SLC22A15: variants seen among roughly 807,000 people sequenced by gnomAD.
SLC22A15 encodes solute carrier family 22 member 15, also known as flipt 1.
A neutral mutation model predicts 62.7 loss-of-function variants in SLC22A15; 45 were observed. The observed-to-expected ratio is 0.72, with a 90% CI of 0.56 to 0.92. The LOEUF (loss-of-function observed/expected upper bound fraction) is 0.92, where lower values mean the gene tolerates loss of function less well. SLC22A15 is among the 40% of genes least tolerant of loss of function. SLC22A15 has a pLI of 0.00. For synonymous variants in SLC22A15, 264 were observed against 267.0 expected, an observed-to-expected ratio of 0.99 and a Z score of 0.11; for missense variants, 622 against 665.6, an observed-to-expected ratio of 0.93 and a Z score of 0.72.
chr1:116,055,325 T>A (rs1215320421), intron 8 of SLC22A15, among the ~76,000 whole-genome samples: 11 of 152,052 alleles, frequency 7.2e-5, no homozygotes, highest in Non-Finnish European at 1.2e-4. Context: ...TAAATTCCTC[T>A]ACACATACAC....
intron 1 of SLC22A15, among the ~76,000 whole-genome samples, chr1:115,987,715 A>G (rs983113532): frequency 3.3e-5 from 5 of 152,190 alleles, no homozygotes; most frequent in African/African-American, 1.2e-4. Context: ...ACTAAAGGTA[A>G]TGGCAACAAT....
intron 3 of SLC22A15, 93 bp from the exon 4 acceptor site, chr1:116,020,628 A>C: frequency 1.6e-5 from 17 of 1,068,548 alleles, no homozygotes; most frequent in Non-Finnish European, 2.2e-5. Context: ...TAAGTTTACA[A>C]ACATTTATTT....
chr1:116,041,078 G>T (rs990312003), intron 8 of SLC22A15, among the ~76,000 whole-genome samples: 2 of 152,182 alleles, frequency 1.3e-5, no homozygotes, highest in Non-Finnish European at 2.9e-5. Flanking sequence ...CATTGATGAG[G>T]ATTATGGCAG....
intron 9 of SLC22A15, 30 bp downstream of exon 9, chr1:116,062,912 C>T: frequency 6.2e-7 from 1 of 1,609,046 alleles, no homozygotes; most frequent in South Asian, 1.1e-5. Flanking sequence ...TCATTCTTCA[C>T]ACATTCTACA....
chr1:115,982,227 A>C (rs542681461), intron 1 of SLC22A15, among the ~76,000 whole-genome samples: 10 of 152,290 alleles, frequency 6.6e-5, no homozygotes, highest in African/African-American at 1.9e-4. Flanking sequence ...ACTCATGCAA[A>C]TTGATATCTG....
chr1:115,986,383 A>G (rs2101067922), intron 1 of SLC22A15, among the ~76,000 whole-genome samples: 1 of 152,256 alleles, frequency 6.6e-6, no homozygotes, highest in East Asian at 1.9e-4. Flanking sequence ...AAATCATTGA[A>G]AATTAGAGTT....
At chr1:116,019,817 G>C (rs1656728632) in intron 3 of SLC22A15, 103 bp downstream of exon 3, 5 of 1,263,534 alleles carry the variant, frequency 4.0e-6, no homozygotes, top group African/African-American at 1.5e-5. Flanking sequence ...TCCGGGAATT[G>C]GCATATGGAC....
chr1:115,985,474 T>C (rs1654809732), intron 1 of SLC22A15, among the ~76,000 whole-genome samples: 7 of 152,232 alleles, frequency 4.6e-5, no homozygotes, highest in Admixed American at 4.6e-4. Context: ...CTGTTTGTTG[T>C]CCTCATTTGA....
intron 1 of SLC22A15, among the ~76,000 whole-genome samples, chr1:115,984,511 T>C (rs1156250412): frequency 6.6e-6 from 1 of 152,212 alleles, no homozygotes; most frequent in Non-Finnish European, 1.5e-5. Flanking sequence ...TAATCACATA[T>C]GCGACACTGG....
chr1:116,045,298 C>T lies in SLC22A15; in HGVS notation c.1171+7910C>T, dbSNP rs962679053. Among the ~76,000 whole-genome samples the T allele has an allele frequency of 1.4e-4, 22 of 152,044 alleles. 1 individual carries two copies. Among genetic ancestry groups the T allele is most frequent in the Non-Finnish European group, 2.1e-4 (14 of 67,948 alleles). On this transcript the variant is annotated intron_variant, in intron 8 of 11. Transcript: ENST00000369503. ...CTGATCTCAGGTGATCTGCCCACCTCGGCCTCCCAAAGTGCTGGGATTACA... is the reference window on the plus strand; with the variant it reads ...CTGATCTCAGGTGATCTGCCCACCTTGGCCTCCCAAAGTGCTGGGATTACA...
At chr1:116,017,368 C>CAAAAAAAAAAAAAAAA (rs558402209) in intron 2 of SLC22A15, 4 of 84,864 alleles carry the variant, frequency 4.7e-5, no homozygotes, top group East Asian at 3.2e-4. Context: ...GAAACCCTGC[C>CAAAAAAAAAAAAAAAA]AAAAAAAAAA....
At chr1:116,014,300 A>G (rs1201380153) in intron 2 of SLC22A15, among the ~76,000 whole-genome samples, 1 of 152,124 alleles carries the variant, frequency 6.6e-6, no homozygotes, top group African/African-American at 2.4e-5. Context: ...GGCACCTGCT[A>G]TTGGTTCTGC....
chr1:116,056,267 C>T (rs140104113), intron 8 of SLC22A15, among the ~76,000 whole-genome samples: 1 of 150,310 alleles, frequency 6.7e-6, no homozygotes, highest in Admixed American at 6.7e-5. Flanking sequence ...CAATAACAGA[C>T]AATCAGAGAG....
intron 6 of SLC22A15, among the ~76,000 whole-genome samples, chr1:116,032,953 C>T (rs1369343375): frequency 1.3e-5 from 2 of 152,132 alleles, no homozygotes; most frequent in South Asian, 2.1e-4. Context: ...TGGGTTCTGG[C>T]CTTCAATGGA....
chr1:116,035,646 A>T (rs1657606936), intron 7 of SLC22A15, among the ~76,000 whole-genome samples: 1 of 152,212 alleles, frequency 6.6e-6, no homozygotes. Flanking sequence ...TCCAGAGATG[A>T]GATTATTAGT....
rs1658560020 is a variant in SLC22A15, at chr1:116,069,083, CT to C, written c.*1976del. The C allele has an allele frequency of 6.6e-6, 1 of 152,098 alleles. No individual in the cohort carries two copies. The allele number at this position is 152,098 out of a possible 1,614,324, so 9.4% of individuals were successfully genotyped here. On this transcript the variant is annotated 3_prime_UTR_variant, in exon 12 of 12. Transcript: ENST00000369503. ...CTCTATTGGCACTGGGTTCGATTGC[CT>C]CTGGCTAATAGAGTTCAATTAGTTC...
At chr1:115,983,506 A>G (rs1012226819) in intron 1 of SLC22A15, among the ~76,000 whole-genome samples, 4 of 152,176 alleles carry the variant, frequency 2.6e-5, no homozygotes, top group African/African-American at 9.7e-5. Context: ...TGCATCATTC[A>G]TTATGGAGAT....
At chr1:116,044,746 CTG>C (rs1469957738) in intron 8 of SLC22A15, among the ~76,000 whole-genome samples, 3 of 151,704 alleles carry the variant, frequency 2.0e-5, no homozygotes, top group Non-Finnish European at 2.9e-5. Context: ...ACAGTTAAAA[CTG>C]AAATAAACCA....
chr1:115,986,625 G>A (rs1456449056), intron 1 of SLC22A15, among the ~76,000 whole-genome samples: 1 of 152,120 alleles, frequency 6.6e-6, no homozygotes, highest in East Asian at 1.9e-4. Flanking sequence ...TGTGGAAGAG[G>A]GAATAACTTA....
Sources: allele counts gnomAD v4.1 joint callset (sites outside exome capture counted in the v4.1 genomes callset), GRCh38; gene constraint gnomAD v4.1.1; transcripts MANE v1.5; gene names NCBI Gene and HGNC (gene_info 2026-07-23, HGNC 2026-07-21).